The following ARHGAP42 variants were observed in gnomAD, a reference collection of about 807,000 sequenced individuals.
ARHGAP42 encodes the protein Rho GTPase activating protein 42.
In ARHGAP42, 63 loss-of-function variants were observed where a neutral mutation model predicts 125.0. The observed-to-expected ratio is 0.50, with a 90% CI of 0.41 to 0.62. The LOEUF is 0.62. ARHGAP42 is among the 20% of genes least tolerant of loss of function. The pLI is 0.00. For synonymous variants in ARHGAP42, 339 were observed against 351.0 expected, an observed-to-expected ratio of 0.97 and a Z score of 0.38; for missense variants, 766 against 1,024.2, an observed-to-expected ratio of 0.75 and a Z score of 3.44.
chr11:100,913,566 A>G lies in ARHGAP42; in HGVS notation c.486+13A>G. 8.0e-7 allele frequency: 1 copy of G among 1,256,270 alleles called. No individual in the cohort carries two copies. Among genetic ancestry groups the G allele is most frequent in the South Asian group, 1.3e-5 (1 of 74,856 alleles). 77.8% of individuals were successfully genotyped at this position (1,256,270 alleles called of 1,614,324 possible). A position where few individuals can be genotyped will look rare whatever the true frequency, so the allele number is the denominator to read the frequency against. Reference sequence around the variant, plus strand: ...TCATTTACAAGAGGTAAGCTTTTCCAACTGAAATAATGGAAAAGGCATTAA... The same window carrying G: ...TCATTTACAAGAGGTAAGCTTTTCCGACTGAAATAATGGAAAAGGCATTAA... On this transcript the variant is annotated intron_variant, in intron 5 of 23. Coordinates refer to ENST00000298815, the MANE Select transcript of ARHGAP42 (RefSeq NM_152432.4).
chr11:100,743,604 G>T (rs1358606656), intron 1 of ARHGAP42, among the ~76,000 whole-genome samples: 2 of 152,084 alleles, frequency 1.3e-5, no homozygotes, highest in African/African-American at 4.8e-5. Flanking sequence ...GGATTTGGAT[G>T]CCTAGATCTC....
intron 1 of ARHGAP42, among the ~76,000 whole-genome samples, chr11:100,766,628 C>T (rs1055391424): frequency 5.3e-5 from 8 of 152,154 alleles, no homozygotes; most frequent in African/African-American, 1.4e-4. Flanking sequence ...CAGAATTGCA[C>T]AGTCAGTAGG....
At chr11:100,873,434 T>A (rs920412746) in intron 4 of ARHGAP42, among the ~76,000 whole-genome samples, 1 of 152,212 alleles carries the variant, frequency 6.6e-6, no homozygotes, top group African/African-American at 2.4e-5. Context: ...ATGAAACTCA[T>A]TGTATAACCT....
intron 1 of ARHGAP42, among the ~76,000 whole-genome samples, chr11:100,717,254 G>A (rs1861677583): frequency 6.6e-6 from 1 of 152,142 alleles, no homozygotes; most frequent in Non-Finnish European, 1.5e-5. Context: ...TGTTCCAGTG[G>A]TTTTCAAACA....
intron 4 of ARHGAP42, among the ~76,000 whole-genome samples, chr11:100,884,302 T>TTTG (rs1369649377): frequency 2.6e-5 from 4 of 152,102 alleles, no homozygotes; most frequent in East Asian, 1.9e-4. Flanking sequence ...ATAAAGTATT[T>TTTG]TTGTTGTTGT....
rs189662513 is a variant in ARHGAP42, at chr11:100,989,389, C to G, written c.*588C>G. The G allele has an allele frequency of 3.0e-6, 1 of 337,504 alleles. No individual in the cohort carries two copies. Among genetic ancestry groups the G allele is most frequent in the East Asian group, 4.4e-5 (1 of 22,970 alleles). 20.9% of individuals were successfully genotyped at this position (337,504 alleles called of 1,614,324 possible). A position where few individuals can be genotyped will look rare whatever the true frequency, so the allele number is the denominator to read the frequency against. On this transcript the variant is annotated 3_prime_UTR_variant, in exon 24 of 24. Transcript: ENST00000298815. ...TCAAAAGCAATAATGTATATGATATCTATAAAGGAAGCAAAATTAAGTCAT... is the reference window on the plus strand; with the variant it reads ...TCAAAAGCAATAATGTATATGATATGTATAAAGGAAGCAAAATTAAGTCAT...
chr11:100,981,016 T>A (rs1265699962), intron 22 of ARHGAP42, among the ~76,000 whole-genome samples: 1 of 152,220 alleles, frequency 6.6e-6, no homozygotes, highest in Non-Finnish European at 1.5e-5. Flanking sequence ...GTGTGACAAC[T>A]TTTCACTGAG....
rs1032649726 is a variant in ARHGAP42, at chr11:100,990,585, T to G, written c.*1784T>G. 1 of 152,454 alleles carries G rather than the reference T, an allele frequency of 6.6e-6. No homozygotes were observed. The highest frequency in any genetic ancestry group is 2.4e-5 in the African/African-American group (1 of 41,470). 9.4% of individuals were successfully genotyped at this position (152,454 alleles called of 1,614,324 possible). A position where few individuals can be genotyped will look rare whatever the true frequency, so the allele number is the denominator to read the frequency against. On this transcript the variant is annotated 3_prime_UTR_variant, in exon 24 of 24. Transcript: ENST00000298815. ...TTGATAAAAGAGTATCTTTTTCTTT[T>G]ATCTCTTACTGTTGACCTCTGTGCA...
At chr11:100,802,873 A>C (rs1420951474) in intron 3 of ARHGAP42, among the ~76,000 whole-genome samples, 1 of 152,058 alleles carries the variant, frequency 6.6e-6, no homozygotes, top group Admixed American at 6.6e-5. Flanking sequence ...ATATCCTGTC[A>C]TGATTGGCTC....
chr11:100,775,287 GC>G (rs1863093067), intron 2 of ARHGAP42, among the ~76,000 whole-genome samples: 2 of 152,268 alleles, frequency 1.3e-5, no homozygotes, highest in South Asian at 4.1e-4. Context: ...GACACGCGGG[GC>G]TCAGAAATTG....
intron 16 of ARHGAP42, among the ~76,000 whole-genome samples, chr11:100,965,458 G>A (rs1166140450): frequency 6.6e-6 from 1 of 152,140 alleles, no homozygotes; most frequent in Non-Finnish European, 1.5e-5. Flanking sequence ...GTAGAACTGG[G>A]CTTCTTTGGC....
intron 1 of ARHGAP42, among the ~76,000 whole-genome samples, chr11:100,717,923 TA>T (rs1555109759): frequency 1.1e-4 from 15 of 140,882 alleles, no homozygotes; most frequent in Admixed American, 1.4e-4. Context: ...GACTCTGCCT[TA>T]AAAAAAAAAA....
chr11:100,921,875 A>G (rs1867278523), intron 6 of ARHGAP42, among the ~76,000 whole-genome samples: 2 of 151,384 alleles, frequency 1.3e-5, no homozygotes, highest in Non-Finnish European at 2.9e-5. Context: ...AATGTATACT[A>G]TGGATTCAGT....
Position 100,973,419 on chromosome 11 carries a change from G to A in ARHGAP42, c.1710+85G>A, listed in dbSNP as rs1049512668. Reference sequence around the variant, plus strand: ...TTGCATTTGATCTGTGAGCTCATGAGTTTTGTATAAATTACTTCTTAATGG... The same window carrying A: ...TTGCATTTGATCTGTGAGCTCATGAATTTTGTATAAATTACTTCTTAATGG... On this transcript the variant is annotated intron_variant, in intron 18 of 23. Coordinates refer to ENST00000298815, the MANE Select transcript of ARHGAP42 (RefSeq NM_152432.4). 10 of 1,369,766 alleles carry A rather than the reference G, an allele frequency of 7.3e-6. No individual in the cohort carries two copies. In the African/African-American group the frequency reaches 1.2e-4, roughly 16 times the overall value. 84.9% of individuals were successfully genotyped at this position (1,369,766 alleles called of 1,614,324 possible). A position where few individuals can be genotyped will look rare whatever the true frequency, so the allele number is the denominator to read the frequency against.
intron 17 of ARHGAP42, 122 bp from the exon 18 acceptor site, chr11:100,973,053 G>A (rs1456337646): frequency 1.2e-6 from 1 of 864,174 alleles, no homozygotes; most frequent in African/African-American, 1.7e-5. Flanking sequence ...GTGGCTAAAA[G>A]TAGGACAATT....
At position 100,949,971 on chromosome 11, in the gene ARHGAP42, T is replaced by C. The variant is rs1218967298; in HGVS notation, c.1162+15T>C. Reference sequence around the variant, plus strand: ...GAAAGAAGAAAGTAAGTCATTTTAATAGTTATTTAAAATTTTATCATGAAG... The same window carrying C: ...GAAAGAAGAAAGTAAGTCATTTTAACAGTTATTTAAAATTTTATCATGAAG... On this transcript the variant is annotated intron_variant, in intron 12 of 23. Coordinates refer to ENST00000298815, the MANE Select transcript of ARHGAP42 (RefSeq NM_152432.4). 3 of 1,391,508 alleles carry C rather than the reference T, an allele frequency of 2.2e-6. No individual in the cohort carries two copies. The highest frequency in any genetic ancestry group is 5.1e-5 in the East Asian group (2 of 39,424). The allele number at this position is 1,391,508 out of a possible 1,614,324, so 86.2% of individuals were successfully genotyped here.
intron 3 of ARHGAP42, among the ~76,000 whole-genome samples, chr11:100,801,198 G>C (rs1863843357): frequency 6.6e-6 from 1 of 152,046 alleles, no homozygotes; most frequent in Admixed American, 6.6e-5. Context: ...GAGAGATTTT[G>C]TACAAAGATG....
intron 3 of ARHGAP42, among the ~76,000 whole-genome samples, chr11:100,821,406 G>T (rs935421005): frequency 6.6e-6 from 1 of 152,218 alleles, no homozygotes; most frequent in East Asian, 1.9e-4. Context: ...AGAAGGAAGT[G>T]AGTTGAGTTT....
intron 4 of ARHGAP42, among the ~76,000 whole-genome samples, chr11:100,877,688 G>A (rs1478578281): frequency 2.6e-5 from 4 of 152,140 alleles, no homozygotes; most frequent in Admixed American, 2.0e-4. Context: ...CTTCAGGACA[G>A]CTCCTTAACT....
Sources: allele counts gnomAD v4.1 joint callset (sites outside exome capture counted in the v4.1 genomes callset), GRCh38; gene constraint gnomAD v4.1.1; transcripts MANE v1.5; gene names NCBI Gene and HGNC (gene_info 2026-07-23, HGNC 2026-07-21).